Variants in ABI2 observed in about 807,000 individuals in gnomAD.
ABI2 encodes the protein abelson interactor 2.
In ABI2, 25 loss-of-function variants were observed where a neutral mutation model predicts 59.2. That is an observed-to-expected ratio of 0.42 (90% CI 0.31 to 0.59). The LOEUF (loss-of-function observed/expected upper bound fraction) is 0.59. Among genes scored for constraint, ABI2 ranks in the 20% least tolerant of loss-of-function variants. The probability of loss-of-function intolerance (pLI) is 0.14; values close to 1 mark genes in which losing one functional copy is unlikely to be tolerated. For synonymous variants in ABI2, 213 were observed against 235.5 expected (o/e 0.90, Z 0.87); for missense variants, 545 against 681.8 (o/e 0.80, Z 2.23).
At chr2:203,391,791 A>T (rs2153354668) in intron 5 of ABI2, among the ~76,000 whole-genome samples, 1 of 150,214 alleles carries the variant, frequency 6.7e-6, no homozygotes, top group Admixed American at 6.7e-5. Flanking sequence ...ACTGTGCTGC[A>T]GCCTCAGTGG....
chr2:203,409,533 ATAGT>A (rs1191615439), intron 9 of ABI2, among the ~76,000 whole-genome samples: 5 of 152,316 alleles, frequency 3.3e-5, no homozygotes, highest in African/African-American at 7.2e-5. Context: ...CAGGCTTAAC[ATAGT>A]TAGTGACATC....
intron 11 of ABI2, among the ~76,000 whole-genome samples, chr2:203,422,084 C>T (rs149984118): frequency 3.9e-4 from 59 of 151,866 alleles, no homozygotes; most frequent in Admixed American, 7.9e-4. Context: ...TTGCTTGAGA[C>T]GAGGAGTTCA....
chr2:203,402,511 A>G lies in ABI2; in HGVS notation c.1034-65A>G, dbSNP rs995384830. 1.5e-5 allele frequency: 18 copies of G among 1,219,812 alleles called. No homozygotes were observed. In the South Asian group the frequency reaches 4.7e-4, roughly 32 times the overall value. 75.6% of individuals were successfully genotyped at this position (1,219,812 alleles called of 1,614,324 possible). On this transcript the variant is annotated intron_variant, in intron 8 of 11. Transcript: ENST00000261018. ...TTCTTAAGATTTAGGCATTGTACAT[A>G]AAGTATTTAATGATCTGAGATAATT... is the stretch of plus-strand genomic sequence containing the variant.
At position 203,416,724 on chromosome 2, in the gene ABI2, G is replaced by A. The variant is rs111971804; in HGVS notation, c.1280-184G>A. Among the ~76,000 whole-genome samples the A allele has an allele frequency of 8.0e-4, 122 of 152,290 alleles. 1 individual carries two copies. Among genetic ancestry groups the A allele is most frequent in the Middle Eastern group, 3.4e-3 (1 of 294 alleles). ...AATCCAAGGGCAAGAGAGGGAGAAC[G>A]TCATACTTGGAGCTCTAGAACGTTA... On this transcript the variant is annotated intron_variant, in intron 10 of 11. Coordinates refer to ENST00000261018, the MANE Select transcript of ABI2 (RefSeq NM_001375670.1).
intron 2 of ABI2, among the ~76,000 whole-genome samples, chr2:203,377,883 G>A (rs2095816847): frequency 6.6e-6 from 1 of 152,304 alleles, no homozygotes; most frequent in East Asian, 1.9e-4. Context: ...TCCAGCCTGG[G>A]CGACAGAGTG....
intron 4 of ABI2, among the ~76,000 whole-genome samples, chr2:203,389,816 T>G (rs573522359): frequency 1.3e-5 from 2 of 152,350 alleles, no homozygotes; most frequent in South Asian, 4.1e-4. Context: ...TTTCTTAGCT[T>G]TTTGAGATAG....
intron 2 of ABI2, among the ~76,000 whole-genome samples, chr2:203,371,365 T>G (rs141589567): frequency 1.1e-3 from 167 of 152,318 alleles, no homozygotes; most frequent in African/African-American, 3.9e-3. Flanking sequence ...ACCCACTCTT[T>G]CTAAATGTCA....
At chr2:203,383,157 T>C (rs1464845932) in intron 4 of ABI2, 1 of 154,732 alleles carries the variant, frequency 6.5e-6, no homozygotes, top group Non-Finnish European at 1.5e-5. Context: ...ATATCTTTAG[T>C]GTAGAAAGTG....
intron 1 of ABI2, among the ~76,000 whole-genome samples, chr2:203,354,565 A>G (rs1307865506): frequency 6.6e-6 from 1 of 152,168 alleles, no homozygotes; most frequent in African/African-American, 2.4e-5. Context: ...TTAGCCAGGG[A>G]GTTTTGTAGA....
chr2:203,419,408 GC>G (rs1559384172), intron 11 of ABI2, among the ~76,000 whole-genome samples: 1 of 150,434 alleles, frequency 6.6e-6, no homozygotes, highest in Non-Finnish European at 1.5e-5. Context: ...TCGCTCTGTC[GC>G]CCAGGCTGGA....
At chr2:203,354,133 C>T (rs1424964821) in intron 1 of ABI2, among the ~76,000 whole-genome samples, 1 of 152,178 alleles carries the variant, frequency 6.6e-6, no homozygotes, top group South Asian at 2.1e-4. Flanking sequence ...CAACCTCCAC[C>T]TCCCGGGCTC....
In ABI2 at chr2:203,431,895, T is replaced by G. The variant is rs1048664697; in HGVS notation, c.*4543T>G. The G allele has an allele frequency of 3.9e-5, 6 of 152,166 alleles. No homozygotes were observed. The highest frequency in any genetic ancestry group is 1.2e-4 in the African/African-American group (5 of 41,452). 9.4% of individuals were successfully genotyped at this position (152,166 alleles called of 1,614,324 possible). ...TATCATATTTTGTGTCCATGCACCA[T>G]TTTTCTTAAAATGGCTTACAAAAAA... On this transcript the variant is annotated 3_prime_UTR_variant, in exon 12 of 12. Coordinates refer to ENST00000261018, the MANE Select transcript of ABI2 (RefSeq NM_001375670.1).
intron 11 of ABI2, among the ~76,000 whole-genome samples, chr2:203,419,632 C>G (rs2098108759): frequency 6.6e-6 from 1 of 151,930 alleles, no homozygotes; most frequent in Non-Finnish European, 1.5e-5. Context: ...CCACCTCTGC[C>G]TCCCAAAGTG....
chr2:203,419,248 TACCGGCGCCCA>T (rs2098073434), intron 11 of ABI2, among the ~76,000 whole-genome samples: 1 of 151,078 alleles, frequency 6.6e-6, no homozygotes, highest in Admixed American at 6.6e-5. Flanking sequence ...TAGCTGGGAC[TACCGGCGCCCA>T]CCACCGCGCC....
intron 1 of ABI2, among the ~76,000 whole-genome samples, chr2:203,336,189 C>T (rs569038525): frequency 6.6e-6 from 1 of 152,236 alleles, no homozygotes; most frequent in African/African-American, 2.4e-5. Context: ...ATAATTTGTT[C>T]ATCCATTCAC....
chr2:203,345,302 GA>G (rs1024376880), intron 1 of ABI2, among the ~76,000 whole-genome samples: 1 of 152,156 alleles, frequency 6.6e-6, no homozygotes, highest in African/African-American at 2.4e-5. Flanking sequence ...GAAGTCAAGC[GA>G]AACCAGGAAC....
chr2:203,356,977 G>A (rs1009962703), intron 1 of ABI2, among the ~76,000 whole-genome samples: 1 of 151,994 alleles, frequency 6.6e-6, no homozygotes, highest in Non-Finnish European at 1.5e-5. Context: ...AATGTTAAAG[G>A]CAAATGAGTA....
At chr2:203,363,461 T>G (rs1010395862) in intron 1 of ABI2, among the ~76,000 whole-genome samples, 3 of 151,850 alleles carry the variant, frequency 2.0e-5, no homozygotes, top group African/African-American at 7.3e-5. Context: ...ATTCTCACTT[T>G]CCCCCTACTC....
intron 4 of ABI2, among the ~76,000 whole-genome samples, chr2:203,384,275 CTTGTTT>C (rs71906750): frequency 0.31 from 24,584 of 78,358 alleles, 2,314 homozygotes; most frequent in Middle Eastern, 0.36. Context: ...GTTCCATACT[CTTGTTT>C]TTGTTTTTGT....
Sources: allele counts gnomAD v4.1 joint callset (sites outside exome capture counted in the v4.1 genomes callset), GRCh38; gene constraint gnomAD v4.1.1; transcripts MANE v1.5; gene names NCBI Gene and HGNC (gene_info 2026-07-23, HGNC 2026-07-21).